The following ARHGEF7 variants were observed in gnomAD, a reference collection of about 807,000 sequenced individuals.
The protein encoded by ARHGEF7 is Rho guanine nucleotide exchange factor 7.
A neutral mutation model predicts 109.8 loss-of-function variants in ARHGEF7; 33 were observed. That is an observed-to-expected ratio of 0.30 (90% confidence interval 0.23 to 0.40). The LOEUF (loss-of-function observed/expected upper bound fraction) is 0.40, where lower values mean the gene tolerates loss of function less well. ARHGEF7 is among the 10% of genes least tolerant of loss of function. The pLI is 1.00. For missense variants in ARHGEF7, 938 were observed against 1,098.5 expected, an observed-to-expected ratio of 0.85 and a Z score of 2.07; for synonymous variants, 458 against 424.6, an observed-to-expected ratio of 1.08 and a Z score of -0.97.
chr13:111,211,047 T>G (rs570555295), intron 4 of ARHGEF7, among the ~76,000 whole-genome samples: 1 of 152,338 alleles, frequency 6.6e-6, no homozygotes, highest in South Asian at 2.1e-4. Flanking sequence ...CTTTTTGAAC[T>G]CAAGCTCGCT....
chr13:111,156,371 CTATTTTTAAAGAGTAAATAT>C (rs1290083126), intron 2 of ARHGEF7, among the ~76,000 whole-genome samples: 2 of 152,118 alleles, frequency 1.3e-5, no homozygotes, highest in Non-Finnish European at 2.9e-5. Flanking sequence ...TTATTTTGTG[CTATTTTTAAAGAGTAAATAT>C]CTCTTCCAGT....
At chr13:111,183,079 C>T (rs2153432618) in intron 2 of ARHGEF7, among the ~76,000 whole-genome samples, 1 of 152,268 alleles carries the variant, frequency 6.6e-6, no homozygotes, top group South Asian at 2.1e-4. Flanking sequence ...GTGGGTTTAA[C>T]AGGATGTACC....
chr13:111,262,537 A>C lies in ARHGEF7; in HGVS notation c.951-5011A>C, dbSNP rs563002742. Among the ~76,000 whole-genome samples the C allele has an allele frequency of 1.2e-4, 19 of 152,268 alleles. No individual in the cohort carries two copies. In the South Asian group the frequency reaches 3.3e-3, roughly 27 times the overall value. On this transcript the variant is annotated intron_variant, in intron 8 of 21. Coordinates refer to ENST00000646102, the MANE Select transcript of ARHGEF7 (RefSeq NM_001354046.2). ...GGGTTCCTTGCGGCTGGAGATGTGT[A>C]TGGAGGTTCCCCCAGCACATTGCTC...
At chr13:111,158,493 A>G (rs1477620680) in intron 2 of ARHGEF7, among the ~76,000 whole-genome samples, 1 of 152,232 alleles carries the variant, frequency 6.6e-6, no homozygotes, top group Non-Finnish European at 1.5e-5. Context: ...TGCAACTAAT[A>G]CTAAAATTAT....
intron 12 of ARHGEF7, among the ~76,000 whole-genome samples, chr13:111,276,588 A>G (rs1243844827): frequency 6.6e-6 from 1 of 152,178 alleles, no homozygotes; most frequent in Non-Finnish European, 1.5e-5. Flanking sequence ...TTACTCCAAA[A>G]TGCTTCAGAG....
chr13:111,173,648 A>G (rs1318556075), intron 2 of ARHGEF7, among the ~76,000 whole-genome samples: 1 of 152,198 alleles, frequency 6.6e-6, no homozygotes, highest in Non-Finnish European at 1.5e-5. Context: ...CACATTTTGG[A>G]TGTGCTGTTA....
intron 16 of ARHGEF7, 104 bp from the exon 17 acceptor site, chr13:111,286,033 TTATCAGTGGC>T (rs1253405959): frequency 1.4e-6 from 1 of 730,778 alleles, no homozygotes; most frequent in Non-Finnish European, 2.3e-6. Context: ...CGAGAAGCTC[TTATCAGTGGC>T]TATAATAATT....
chr13:111,199,072 G>A (rs949748520), intron 2 of ARHGEF7, among the ~76,000 whole-genome samples: 1 of 152,180 alleles, frequency 6.6e-6, no homozygotes, highest in South Asian at 2.1e-4. Context: ...AGTTCTGCAG[G>A]TCCCCACCCG....
At chr13:111,259,828 G>T (rs368461298) in intron 8 of ARHGEF7, among the ~76,000 whole-genome samples, 3 of 152,214 alleles carry the variant, frequency 2.0e-5, no homozygotes, top group African/African-American at 7.2e-5. Flanking sequence ...TTCAGACAGA[G>T]AATTAAAAAG....
At position 111,267,603 on chromosome 13, in the gene ARHGEF7, A is replaced by G. The variant is rs1213242722; in HGVS notation, c.1006A>G (p.Met336Val). ...GGCFLNLMPQ[M>V]KTLYLTYCAN... Reference sequence around the variant, plus strand: ...CTGCTTTTTAAACCTGATGCCACAGATGAAAACCCTGTACCTCACGTATTG... The same window carrying G: ...CTGCTTTTTAAACCTGATGCCACAGGTGAAAACCCTGTACCTCACGTATTG... The change falls in exon 9 of 22, where the codon ATG (methionine) becomes GTG (valine). Residue 336 changes from methionine to valine, a missense_variant. Met to Val is a conservative substitution (Grantham distance 21, BLOSUM62 1). Coordinates refer to ENST00000646102, the MANE Select transcript of ARHGEF7 (RefSeq NM_001354046.2). 13 of 1,614,072 alleles carry G rather than the reference A, an allele frequency of 8.1e-6. No individual in the cohort carries two copies. In the Admixed American group the frequency reaches 1.3e-4, roughly 17 times the overall value.
At chr13:111,133,761 CTTTATATATATA>C (rs2074916381) in intron 1 of ARHGEF7, among the ~76,000 whole-genome samples, 1 of 73,356 alleles carries the variant, frequency 1.4e-5, no homozygotes, top group Admixed American at 1.7e-4. Context: ...ATCTGCTTTT[CTTTATATATATA>C]TATATATATA....
At chr13:111,176,753 CTTAT>C (rs527826367) in intron 2 of ARHGEF7, among the ~76,000 whole-genome samples, 26 of 152,278 alleles carry the variant, frequency 1.7e-4, no homozygotes, top group Admixed American at 3.9e-4. Flanking sequence ...TGCTGACTGG[CTTAT>C]TTATTTATTT....
rs2076066462 is a variant in ARHGEF7 at position 111,153,836 on chromosome 13, T to G, written c.166-69T>G. On this transcript the variant is annotated intron_variant, in intron 1 of 21. Transcript: ENST00000646102. ...GTGTTGGGAGCGCGGGCCGTGGGCG[T>G]CGCTCGGCCTTGTCCGCGGCGTCCC... 2.6e-6 allele frequency: 4 copies of G among 1,546,792 alleles called. No individual in the cohort carries two copies. The Admixed American group carries it at 5.8e-5, about 22-fold the overall frequency.
At chr13:111,292,693 G>T (rs2093327043) in intron 19 of ARHGEF7, 4 of 1,045,454 alleles carry the variant, frequency 3.8e-6, no homozygotes, top group Non-Finnish European at 4.6e-6. Flanking sequence ...AATCACACAG[G>T]TTTGTGATCT....
chr13:111,160,546 G>C (rs1009606821), intron 2 of ARHGEF7, among the ~76,000 whole-genome samples: 1 of 152,036 alleles, frequency 6.6e-6, no homozygotes, highest in African/African-American at 2.4e-5. Flanking sequence ...CCACGTCTAG[G>C]GAGAGACCTA....
intron 2 of ARHGEF7, among the ~76,000 whole-genome samples, chr13:111,189,166 G>A (rs2079573977): frequency 6.6e-6 from 1 of 152,206 alleles, no homozygotes; most frequent in Non-Finnish European, 1.5e-5. Context: ...TAGAACCAGG[G>A]TGCTTTCTTT....
intron 2 of ARHGEF7, among the ~76,000 whole-genome samples, chr13:111,202,015 T>C (rs146216275): frequency 5.5e-4 from 84 of 152,350 alleles, no homozygotes; most frequent in African/African-American, 2.0e-3. Flanking sequence ...TTAATGTTAG[T>C]TTTCTGGTGG....
In ARHGEF7 at chr13:111,167,607, A is replaced by G. The variant is rs115965895; in HGVS notation, c.252+13616A>G. On this transcript the variant is annotated intron_variant, in intron 2 of 21. Coordinates refer to ENST00000646102, the MANE Select transcript of ARHGEF7 (RefSeq NM_001354046.2). ...CCCTTGGTGCAATGTTAGTTGTTTT[A>G]GCCAATGTTTTTTCTTAGTTATAAA... Among the ~76,000 whole-genome samples the G allele has an allele frequency of 1.8e-3, 270 of 152,278 alleles. 1 individual carries two copies. The highest frequency in any genetic ancestry group is 6.2e-3 in the African/African-American group (259 of 41,538).
chr13:111,298,189 A>G (rs771645664), intron 19 of ARHGEF7, among the ~76,000 whole-genome samples: 11 of 152,210 alleles, frequency 7.2e-5, no homozygotes, highest in Non-Finnish European at 1.3e-4. Context: ...CTTTATGAAT[A>G]TTCTGGATTT....
Sources: allele counts gnomAD v4.1 joint callset (sites outside exome capture counted in the v4.1 genomes callset), GRCh38; gene constraint gnomAD v4.1.1; transcripts MANE v1.5; gene names NCBI Gene and HGNC (gene_info 2026-07-23, HGNC 2026-07-21).